GAREM2: variants seen among roughly 807,000 people sequenced by gnomAD.
GAREM2 encodes GRB2-associated and regulator of MAPK protein 2.
A neutral mutation model predicts 55.6 loss-of-function variants in GAREM2; 30 were observed. That is an observed-to-expected ratio of 0.54 (90% confidence interval 0.40 to 0.73). The LOEUF (loss-of-function observed/expected upper bound fraction) is 0.73, where lower values mean the gene tolerates loss of function less well. GAREM2 is among the 30% of genes least tolerant of loss of function. The pLI is 0.00. For synonymous variants in GAREM2, 550 were observed against 569.1 expected, an observed-to-expected ratio of 0.97 and a Z score of 0.48; for missense variants, 1,075 against 1,257.7, an observed-to-expected ratio of 0.85 and a Z score of 2.20.
chr2:26,199,392 G>A, the GAREM2 span: 2 of 152,450 alleles, frequency 1.3e-5, no homozygotes, highest in South Asian at 2.1e-4. Context: ...CAAAACAAAA[G>A]TGGAATGAAT....
At position 26,184,303 on chromosome 2, in the gene GAREM2, C is replaced by T; in HGVS notation, c.455C>T (p.Thr152Ile). The change falls in exon 4 of 6, where the codon ACT (threonine) becomes ATT (isoleucine). Residue 152 changes from threonine (T) to isoleucine (I), a missense_variant. By Grantham distance (89) the Thr-to-Ile change is moderately conservative (BLOSUM62 -1). Coordinates refer to ENST00000401533, the MANE Select transcript of GAREM2 (RefSeq NM_001168241.2). The part of the protein sequence containing the change: ...NFTLHAGDEL[T>I]LMGQAEILCA... ...ACGCTGCATGCGGGCGACGAGCTCA[C>T]TCTTATGGGCCAGGCGGAGATCCTG... The T allele has an allele frequency of 6.4e-7, 1 of 1,551,058 alleles. No individual in the cohort carries two copies.
At position 26,188,752 on chromosome 2, in the gene GAREM2, C is replaced by G. The variant is rs1669384653; in HGVS notation, c.*495C>G. 1.3e-5 allele frequency: 2 copies of G among 152,828 alleles called. No individual in the cohort carries two copies. The highest frequency in any genetic ancestry group is 2.9e-5 in the Non-Finnish European group (2 of 68,490). 9.5% of individuals were successfully genotyped at this position (152,828 alleles called of 1,614,324 possible). On this transcript the variant is annotated 3_prime_UTR_variant, in exon 6 of 6. Coordinates refer to ENST00000401533, the MANE Select transcript of GAREM2 (RefSeq NM_001168241.2). ...TGCCCCAGAGTGAGGGTGTAGATGT[C>G]TGTGTCTGTGAGATGCCTTTCCCTT...
At position 26,173,245 on chromosome 2, in the gene GAREM2, GC is replaced by G; in HGVS notation, c.27del (p.Gly10AlafsTer52). The stretch of plus-strand genomic sequence containing the variant: ...CATGGAGAAGCTGGCGGCCGGGCTG[GC>G]CGGCCTGCGCTGGAGCATGGGCGCC... MEKLAAGL[A>X]GLRWSMGAFP... On this transcript the variant is annotated frameshift_variant, in exon 1 of 6. Transcript: ENST00000401533. LOFTEE classifies it high-confidence loss of function. 1 of 1,346,934 alleles carries G rather than the reference GC, an allele frequency of 7.4e-7. No homozygotes were observed. Among genetic ancestry groups the G allele is most frequent in the Non-Finnish European group, 9.6e-7 (1 of 1,046,050 alleles). The allele number at this position is 1,346,934 out of a possible 1,614,324, so 83.4% of individuals were successfully genotyped here.
chr2:26,173,385 C>A, intron 1 of GAREM2, 53 bp downstream of exon 1: 1 of 1,065,728 alleles, frequency 9.4e-7, no homozygotes, highest in Non-Finnish European at 1.2e-6. Context: ...ATGGTGGGCT[C>A]TCCAGCCAGG....
downstream of GAREM2, chr2:26,191,438 G>A (rs1300992068): frequency 6.2e-7 from 1 of 1,614,152 alleles, no homozygotes; most frequent in East Asian, 2.2e-5. Context: ...ACGCAACACG[G>A]GCTCCAGGCT....
At position 26,187,619 on chromosome 2, in the gene GAREM2, G is replaced by A. The variant is rs1486736780; in HGVS notation, c.1987G>A (p.Ala663Thr). ...TSGPVATSGP[A>T]YSPGPASPGQ... ...GGGTCCTGTGGCTACCTCTGGCCCT[G>A]CGTATTCCCCAGGCCCAGCCTCGCC... Residue 663 changes from alanine (A) to threonine (T), a missense_variant, in exon 6 of 6, where the codon GCG (alanine) becomes ACG (threonine). Coordinates refer to ENST00000401533, the MANE Select transcript of GAREM2 (RefSeq NM_001168241.2). 1 of 1,549,434 alleles carries A rather than the reference G, an allele frequency of 6.5e-7. No homozygotes were observed. The highest frequency in any genetic ancestry group is 8.7e-7 in the Non-Finnish European group (1 of 1,145,830).
chr2:26,199,062 T>C, the GAREM2 span, among the ~76,000 whole-genome samples: 2 of 152,060 alleles, frequency 1.3e-5, no homozygotes, highest in African/African-American at 4.8e-5. Context: ...GCCTGGCTAA[T>C]TTTTTTGTAG....
intron 1 of GAREM2, among the ~76,000 whole-genome samples, chr2:26,175,466 A>C (rs10175960): frequency 0.68 from 102,665 of 151,866 alleles, 34,749 homozygotes; most frequent in East Asian, 0.79. Flanking sequence ...TCACCCCTGT[A>C]ACTGGGAGGA....
rs1036742633 is a variant in GAREM2, at chr2:26,183,156, C to A, written c.384+59C>A. The A allele has an allele frequency of 1.8e-5, 28 of 1,528,874 alleles. No individual in the cohort carries two copies. In the East Asian group the frequency reaches 6.9e-4, roughly 38 times the overall value. The allele number at this position is 1,528,874 out of a possible 1,614,324, so 94.7% of individuals were successfully genotyped here. ...ACACTACTCCTTGCCTCAGGGGCAA[C>A]CCTGACTCTGGTTGGAAGGTTGCCC... On this transcript the variant is annotated intron_variant, in intron 3 of 5. Transcript: ENST00000401533.
At chr2:26,185,890 G>A (rs973350754) in intron 4 of GAREM2, among the ~76,000 whole-genome samples, 1 of 152,094 alleles carries the variant, frequency 6.6e-6, no homozygotes, top group African/African-American at 2.4e-5. Flanking sequence ...GAGGGAGCAC[G>A]TCTGCTTAAC....
At chr2:26,198,972 G>A in the GAREM2 span, among the ~76,000 whole-genome samples, 4 of 151,236 alleles carry the variant, frequency 2.6e-5, no homozygotes, top group African/African-American at 9.7e-5. Flanking sequence ...TCAGCTCACC[G>A]CAAGCTTTGC....
the GAREM2 span, among the ~76,000 whole-genome samples, chr2:26,199,697 A>G: frequency 8.5e-5 from 13 of 152,162 alleles, no homozygotes; most frequent in Admixed American, 5.2e-4. Flanking sequence ...GGGGCCCGGT[A>G]GCCTCTTTTT....
At position 26,184,962 on chromosome 2, in the gene GAREM2, T is replaced by G; in HGVS notation, c.1114T>G (p.Cys372Gly). ...REAPAELAEDCASPRRARLCL... is the reference protein window; with the variant it reads ...REAPAELAEDGASPRRARLCL... ...GGCGCCAGCGGAGCTCGCCGAAGAC[T>G]GCGCCAGCCCGCGCCGCGCGCGCCT... Residue 372 changes from cysteine to glycine, a missense_variant, in exon 4 of 6, where the codon TGC (cysteine) becomes GGC (glycine). This residue lies in a region of GAREM2 where 515 missense variants were observed against 501.5 expected (regional missense o/e 1.03). Coordinates refer to ENST00000401533, the MANE Select transcript of GAREM2 (RefSeq NM_001168241.2). 2 of 1,220,404 alleles carry G rather than the reference T, an allele frequency of 1.6e-6. No homozygotes were observed. The highest frequency in any genetic ancestry group is 2.0e-6 in the Non-Finnish European group (2 of 981,280). 75.6% of individuals were successfully genotyped at this position (1,220,404 alleles called of 1,614,324 possible).
At chr2:26,200,024 TGAG>T in the GAREM2 span, among the ~76,000 whole-genome samples, 1 of 152,100 alleles carries the variant, frequency 6.6e-6, no homozygotes, top group African/African-American at 2.4e-5. Context: ...CACGGAGACA[TGAG>T]GAAGATACTA....
chr2:26,187,509 C>T lies in GAREM2; in HGVS notation c.1877C>T (p.Pro626Leu), dbSNP rs778607793. The change falls in exon 6 of 6, where the codon CCG becomes CTG. Residue 626 changes from proline (P) to leucine (L), a missense_variant. This residue lies in a region of GAREM2 where 515 missense variants were observed against 501.5 expected (regional missense o/e 1.03). Transcript: ENST00000401533. ...TCACATCCCCAGAAGCGCTTTGCTCCGTTTGGAGCTCTCAACCCTTTTTCC... is the reference window on the plus strand; with the variant it reads ...TCACATCCCCAGAAGCGCTTTGCTCTGTTTGGAGCTCTCAACCCTTTTTCC... ...KPSHPQKRFA[P>L]FGALNPFSGP... 20 of 1,541,096 alleles carry T rather than the reference C, an allele frequency of 1.3e-5. No homozygotes were observed. The highest frequency in any genetic ancestry group is 7.3e-5 in the South Asian group (6 of 82,464).
the GAREM2 span, chr2:26,195,219 T>C: frequency 1.9e-6 from 3 of 1,613,162 alleles, no homozygotes; most frequent in Non-Finnish European, 2.5e-6. Flanking sequence ...AGAGAAGTAG[T>C]GCATGCCAAT....
In GAREM2 at chr2:26,185,080, G is replaced by A; in HGVS notation, c.1232G>A (p.Ser411Asn). 3 of 1,397,072 alleles carry A rather than the reference G, an allele frequency of 2.1e-6. No homozygotes were observed. Among genetic ancestry groups the A allele is most frequent in the South Asian group, 1.5e-5 (1 of 65,398 alleles). 86.5% of individuals were successfully genotyped at this position (1,397,072 alleles called of 1,614,324 possible). A position where few individuals can be genotyped will look rare whatever the true frequency, so the allele number is the denominator to read the frequency against. The change falls in exon 4 of 6, where the codon AGC (serine) becomes AAC (asparagine). Residue 411 changes from serine (S) to asparagine (N), a missense_variant. By Grantham distance (46) the Ser-to-Asn change is conservative (BLOSUM62 1). Coordinates refer to ENST00000401533, the MANE Select transcript of GAREM2 (RefSeq NM_001168241.2). ...GGCGAGGGCGACCAGGAGTACGTGA[G>A]CCCCGACTGGGCAGCCGCGCCCGAG... ...PAGEGDQEYVSPDWAAAPEPA... is the reference protein window; with the variant it reads ...PAGEGDQEYVNPDWAAAPEPA...
rs1418842978 is a variant in GAREM2, at chr2:26,179,094, G to A, written c.253+2610G>A. 6.6e-6 allele frequency among the ~76,000 whole-genome samples: 1 copy of A among 152,220 alleles called. No homozygotes were observed. Among genetic ancestry groups the A allele is most frequent in the African/African-American group, 2.4e-5 (1 of 41,452 alleles). ...GGAGGAGGACGGCGACTCGCGCCGG[G>A]TGGGGCTGAAGGCACTGCGGGGTGA... is the stretch of plus-strand genomic sequence containing the variant. On this transcript the variant is annotated intron_variant, in intron 2 of 5. Transcript: ENST00000401533. This position sits in a 1 kb window ranked among gnomAD's most constrained non-coding sequence, Gnocchi z 4.7.
At position 26,183,876 on chromosome 2, in the gene GAREM2, A is replaced by G. The variant is rs149266560; in HGVS notation, c.385-357A>G. On this transcript the variant is annotated intron_variant, in intron 3 of 5. Coordinates refer to ENST00000401533, the MANE Select transcript of GAREM2 (RefSeq NM_001168241.2). Reference sequence around the variant, plus strand: ...AGGGCATTATGATCGCCCAAATGGTAAAGACAATGATGATAAAAGTCGCCA... The same window carrying G: ...AGGGCATTATGATCGCCCAAATGGTGAAGACAATGATGATAAAAGTCGCCA... 2.0e-5 allele frequency among the ~76,000 whole-genome samples: 3 copies of G among 152,402 alleles called. No homozygotes were observed. In the East Asian group the frequency reaches 5.8e-4, roughly 29 times the overall value.
Sources: allele counts gnomAD v4.1 joint callset (sites outside exome capture counted in the v4.1 genomes callset), GRCh38; gene constraint gnomAD v4.1.1; regional missense constraint gnomAD v4.1.1; non-coding constraint Gnocchi (gnomAD v3.1); transcripts MANE v1.5; gene names NCBI Gene and HGNC (gene_info 2026-07-23, HGNC 2026-07-21).